RGS6: variants seen among roughly 807,000 people sequenced by gnomAD.
RGS6 encodes regulator of G protein signaling 6.
A neutral mutation model predicts 78.5 loss-of-function variants in RGS6; 30 were observed. The observed-to-expected ratio is 0.38, with a 90% CI of 0.29 to 0.52. The LOEUF is 0.52. RGS6 is among the 20% of genes least tolerant of loss of function. RGS6 has a pLI of 0.85. For synonymous variants in RGS6, 206 were observed against 206.0 expected (o/e 1.00, Z 0.00); for missense variants, 495 against 609.7 (o/e 0.81, Z 1.98).
chr14:72,297,819 A>G (rs937554941), intron 2 of RGS6, among the ~76,000 whole-genome samples: 6 of 151,924 alleles, frequency 3.9e-5, no homozygotes, highest in Admixed American at 2.0e-4. Context: ...TTTTCAGTAT[A>G]TATCTCACAT....
chr14:72,028,656 TC>T (rs1358229495), intron 2 of RGS6, among the ~76,000 whole-genome samples: 2 of 152,226 alleles, frequency 1.3e-5, no homozygotes, highest in Non-Finnish European at 2.9e-5. Context: ...GAGACCTTAT[TC>T]TAAGGCTGCG....
intron 2 of RGS6, among the ~76,000 whole-genome samples, chr14:72,012,464 T>C (rs1437164987): frequency 6.6e-6 from 1 of 152,252 alleles, no homozygotes; most frequent in Non-Finnish European, 1.5e-5. Flanking sequence ...AATGGCCTTA[T>C]TATATGAACA....
intron 2 of RGS6, among the ~76,000 whole-genome samples, chr14:72,131,834 T>A (rs1033936571): frequency 8.5e-5 from 13 of 152,222 alleles, no homozygotes; most frequent in Admixed American, 7.9e-4. Flanking sequence ...TTCAATAGAT[T>A]TGAGATAATC....
At chr14:72,007,801 T>G (rs1333487358) in intron 2 of RGS6, among the ~76,000 whole-genome samples, 1 of 152,092 alleles carries the variant, frequency 6.6e-6, no homozygotes, top group Non-Finnish European at 1.5e-5. Flanking sequence ...TGGGTGTGGC[T>G]TTTGTGTAGT....
intron 15 of RGS6, among the ~76,000 whole-genome samples, chr14:72,535,667 T>C (rs1424103613): frequency 1.3e-5 from 2 of 152,252 alleles, no homozygotes; most frequent in Non-Finnish European, 2.9e-5. Context: ...AGATCCTTCC[T>C]GTTGCCTTTT....
At chr14:71,969,607 T>A (rs1016493428) in intron 2 of RGS6, among the ~76,000 whole-genome samples, 1 of 152,242 alleles carries the variant, frequency 6.6e-6, no homozygotes, top group African/African-American at 2.4e-5. Flanking sequence ...TCTTGTTTTG[T>A]TTTCTACCTT....
At chr14:72,339,708 T>C (rs370860053) in intron 2 of RGS6, among the ~76,000 whole-genome samples, 2 of 152,158 alleles carry the variant, frequency 1.3e-5, no homozygotes, top group African/African-American at 4.8e-5. Context: ...AACAGCACTC[T>C]GATGTCACTT....
intron 2 of RGS6, among the ~76,000 whole-genome samples, chr14:72,204,505 A>G (rs970394495): frequency 1.3e-5 from 2 of 152,218 alleles, no homozygotes; most frequent in African/African-American, 2.4e-5. Context: ...TCAGGCTGCT[A>G]TAACAAAATA....
chr14:72,580,991 C>G, the RGS6 span, among the ~76,000 whole-genome samples: 1 of 152,216 alleles, frequency 6.6e-6, no homozygotes, highest in East Asian at 1.9e-4. Flanking sequence ...AGTTCACAGG[C>G]AAGTAGCCTC....
chr14:72,051,373 AC>A (rs1433302755), intron 2 of RGS6, among the ~76,000 whole-genome samples: 6 of 152,334 alleles, frequency 3.9e-5, no homozygotes, highest in African/African-American at 1.4e-4. Context: ...GTTAGAATCC[AC>A]CAAGAATTTA....
chr14:72,600,749 G>A, the RGS6 span, among the ~76,000 whole-genome samples: 10,188 of 152,124 alleles, frequency 0.067, 419 homozygotes, highest in Middle Eastern at 0.14. Context: ...TCCCTGGGCC[G>A]GAGACACCAA....
intron 3 of RGS6, among the ~76,000 whole-genome samples, chr14:72,409,532 G>C (rs1444052676): frequency 1.3e-5 from 2 of 151,388 alleles, no homozygotes; most frequent in Non-Finnish European, 2.9e-5. Flanking sequence ...TTTTATTTAT[G>C]ATCTACAAAG....
At chr14:72,055,795 A>T (rs991730959) in intron 2 of RGS6, among the ~76,000 whole-genome samples, 1 of 152,248 alleles carries the variant, frequency 6.6e-6, no homozygotes, top group Non-Finnish European at 1.5e-5. Context: ...TCATTTCTAA[A>T]GTACAAAGTT....
intron 2 of RGS6, among the ~76,000 whole-genome samples, chr14:72,283,281 C>T (rs925770991): frequency 1.3e-5 from 2 of 152,152 alleles, no homozygotes; most frequent in African/African-American, 4.8e-5. Flanking sequence ...GTTATTTTGG[C>T]TATATACCCA....
intron 2 of RGS6, among the ~76,000 whole-genome samples, chr14:72,304,022 C>T (rs1448100545): frequency 6.6e-6 from 1 of 152,250 alleles, no homozygotes; most frequent in Non-Finnish European, 1.5e-5. Flanking sequence ...CGTACCCATT[C>T]CTCAACCTAA....
At chr14:72,523,640 C>A (rs1412458485) in intron 15 of RGS6, among the ~76,000 whole-genome samples, 4 of 152,174 alleles carry the variant, frequency 2.6e-5, no homozygotes, top group African/African-American at 9.7e-5. Flanking sequence ...TTTCACAAGA[C>A]ACCCTGTTAT....
At chr14:72,131,199 T>G (rs2096306843) in intron 2 of RGS6, among the ~76,000 whole-genome samples, 1 of 152,202 alleles carries the variant, frequency 6.6e-6, no homozygotes, top group African/African-American at 2.4e-5. Context: ...CAGTGTTCTT[T>G]CAACCCAATC....
chr14:72,372,097 A>G (rs2083625766), intron 3 of RGS6, among the ~76,000 whole-genome samples: 1 of 152,190 alleles, frequency 6.6e-6, no homozygotes, highest in Non-Finnish European at 1.5e-5. Context: ...TGAATTTGTT[A>G]CTCTGTTCTG....
At chr14:72,467,845 A>C (rs181479348) in intron 7 of RGS6, among the ~76,000 whole-genome samples, 35 of 152,186 alleles carry the variant, frequency 2.3e-4, no homozygotes, top group Non-Finnish European at 2.2e-4. Flanking sequence ...CCCCTCCTTC[A>C]AAAGACTGCT....
Sources: gnomAD v4.1 joint callset for allele counts (sites outside exome capture counted in the v4.1 genomes callset) on GRCh38, gnomAD v4.1.1 for gene constraint, MANE v1.5 for transcripts, NCBI Gene and HGNC (gene_info 2026-07-23, HGNC 2026-07-21) for gene names.